The following PFKP variants were observed in gnomAD, a reference collection of about 807,000 sequenced individuals.
PFKP encodes the protein ATP-dependent 6-phosphofructokinase, platelet type.
Under a neutral mutation model 94.3 loss-of-function variants are expected in PFKP, and 101 were observed. The ratio of observed to expected loss-of-function variants is 1.07; its 90% CI spans 0.91 to 1.26. The LOEUF (loss-of-function observed/expected upper bound fraction) is 1.26. Among genes scored for constraint, PFKP ranks in the 50% most tolerant of loss-of-function variants. The pLI is 0.00. For missense variants in PFKP, 1,145 were observed against 1,103.3 expected (o/e 1.04, Z -0.53); for synonymous variants, 573 against 432.6 (o/e 1.32, Z -4.03).
At chr10:3,075,935 C>T (rs1301264729) in intron 1 of PFKP, among the ~76,000 whole-genome samples, 3 of 139,554 alleles carry the variant, frequency 2.1e-5, no homozygotes, top group African/African-American at 2.7e-5. Flanking sequence ...GTAGTGAACC[C>T]GGGAAGCGGA....
chr10:3,135,995 G>T (rs962075170), intron 21 of PFKP, among the ~76,000 whole-genome samples, 157 bp downstream of exon 21: 1 of 152,166 alleles, frequency 6.6e-6, no homozygotes, highest in African/African-American at 2.4e-5. Context: ...GCTGGGCGCG[G>T]TGGCTCATGC....
intron 17 of PFKP, among the ~76,000 whole-genome samples, chr10:3,130,302 C>G (rs2131710280): frequency 6.6e-6 from 1 of 152,344 alleles, no homozygotes; most frequent in South Asian, 2.1e-4. Context: ...ACAGTCACCA[C>G]CCACGTCTGC....
chr10:3,101,297 C>T (rs1834969240), intron 3 of PFKP, 68 bp from the exon 4 acceptor site: 2 of 1,295,328 alleles, frequency 1.5e-6, no homozygotes, highest in African/African-American at 1.5e-5. Context: ...TATAGTCGGC[C>T]TGTGTGTGCC....
At chr10:3,077,581 A>T (rs115657376) in intron 1 of PFKP, among the ~76,000 whole-genome samples, 2,656 of 116,304 alleles carry the variant, frequency 0.023, 57 homozygotes, top group African/African-American at 0.063. Context: ...CTTACTTTTT[A>T]AAAAAAAAAT....
rs190901921 is a variant in PFKP at position 3,111,613 on chromosome 10, A to T, written c.1090-609A>T. On this transcript the variant is annotated intron_variant, in intron 10 of 21. Coordinates refer to ENST00000381125, the MANE Select transcript of PFKP (RefSeq NM_002627.5). ...CTGACATGCTTGAATAACCTTAGAGATAGCTGGAAGTAGGAGTATTTTTCT... is the reference window on the plus strand; with the variant it reads ...CTGACATGCTTGAATAACCTTAGAGTTAGCTGGAAGTAGGAGTATTTTTCT... Among the ~76,000 whole-genome samples the T allele has an allele frequency of 2.0e-5, 3 of 152,124 alleles. No individual in the cohort carries two copies. The East Asian group carries it at 5.8e-4, about 30-fold the overall frequency.
chr10:3,116,493 A>C (rs550792568), intron 13 of PFKP, among the ~76,000 whole-genome samples: 2 of 152,150 alleles, frequency 1.3e-5, no homozygotes, highest in South Asian at 4.1e-4. Context: ...CGGTGGCGGG[A>C]TACGGTGAGC....
chr10:3,104,019 C>T, intron 5 of PFKP, 75 bp downstream of exon 5: 1 of 1,385,044 alleles, frequency 7.2e-7, no homozygotes, highest in South Asian at 1.3e-5. Context: ...ACCACGGGCT[C>T]TAGAACATTC....
At chr10:3,082,111 C>G (rs969504470) in intron 1 of PFKP, among the ~76,000 whole-genome samples, 1 of 149,930 alleles carries the variant, frequency 6.7e-6, no homozygotes, top group Non-Finnish European at 1.5e-5. Context: ...TTCTGTACTT[C>G]GTTTTGCAGT....
At chr10:3,112,066 C>T (rs1047042935) in intron 10 of PFKP, among the ~76,000 whole-genome samples, 156 bp from the exon 11 acceptor site, 8 of 152,178 alleles carry the variant, frequency 5.3e-5, no homozygotes, top group African/African-American at 1.9e-4. Flanking sequence ...ACACACTTGG[C>T]GGCCGGTCGT....
At chr10:3,128,007 C>T (rs1331945362) in intron 16 of PFKP, among the ~76,000 whole-genome samples, 2 of 142,976 alleles carry the variant, frequency 1.4e-5, no homozygotes, top group South Asian at 4.5e-4. Flanking sequence ...GGCTCCTAGT[C>T]TCAAGTCCAC....
At chr10:3,129,705 C>T (rs776875041) in intron 16 of PFKP, 114 bp from the exon 17 acceptor site, 29 of 1,097,696 alleles carry the variant, frequency 2.6e-5, no homozygotes, top group Middle Eastern at 6.0e-4. Flanking sequence ...ATGCTGGGAC[C>T]GCATGTTTGG....
At chr10:3,080,822 G>A (rs984486492) in intron 1 of PFKP, among the ~76,000 whole-genome samples, 1 of 152,166 alleles carries the variant, frequency 6.6e-6, no homozygotes. Context: ...GGGAGTCGGG[G>A]GTAATGTTGG....
intron 10 of PFKP, among the ~76,000 whole-genome samples, chr10:3,109,771 C>T (rs1283756786): frequency 2.0e-5 from 3 of 152,102 alleles, no homozygotes; most frequent in Non-Finnish European, 4.4e-5. Flanking sequence ...CCTCAACAGT[C>T]GAGGATCCAG....
chr10:3,121,382 C>T (rs1837385381), intron 16 of PFKP, among the ~76,000 whole-genome samples: 1 of 152,192 alleles, frequency 6.6e-6, no homozygotes, highest in Non-Finnish European at 1.5e-5. Context: ...TCATTGCTTT[C>T]ACTGCTCTTT....
chr10:3,132,417 C>G lies in PFKP; in HGVS notation c.1886C>G (p.Thr629Ser), dbSNP rs1465088551. The G allele has an allele frequency of 1.2e-6, 2 of 1,612,286 alleles. No homozygotes were observed. Among genetic ancestry groups the G allele is most frequent in the Admixed American group, 1.7e-5 (1 of 60,024 alleles). The part of the protein sequence containing the change: ...VEHLTEKMKT[T>S]IQRGLVLRNE... ...CACCTGACGGAGAAAATGAAGACCA[C>G]CATCCAGAGAGGCCTTGTGCTCAGG... Residue 629 changes from threonine (T) to serine (S), a missense_variant, in exon 18 of 22, where the codon ACC becomes AGC. Physicochemically the swap from Thr to Ser is moderately conservative, Grantham distance 58. Around this residue, in one of 3 missense-constraint regions of PFKP, gnomAD observed 1,119 missense variants for 1,062.8 expected, o/e 1.05. Transcript: ENST00000381125.
At chr10:3,083,929 C>T (rs56029827) in intron 2 of PFKP, among the ~76,000 whole-genome samples, 36,101 of 152,088 alleles carry the variant, frequency 0.24, 4,695 homozygotes, top group East Asian at 0.35. Context: ...AGGTGTGAGC[C>T]GCCGCGCCCA....
At position 3,129,993 on chromosome 10, in the gene PFKP, G is replaced by A; in HGVS notation, c.1848+10G>A. 17 of 1,561,404 alleles carry A rather than the reference G, an allele frequency of 1.1e-5. No homozygotes were observed. The highest frequency in any genetic ancestry group is 2.4e-5 in the South Asian group (2 of 82,076). On this transcript the variant is annotated intron_variant, in intron 17 of 21. Transcript: ENST00000381125. ...CATCAGGGATCTGCAGGTATGTGAC[G>A]GGGCTGGCCTCAGGGCCCGTCCCCT... is the stretch of plus-strand genomic sequence containing the variant.
At chr10:3,102,251 A>G (rs1464639515) in intron 4 of PFKP, among the ~76,000 whole-genome samples, 1 of 20,612 alleles carries the variant, frequency 4.9e-5, no homozygotes, top group Non-Finnish European at 8.4e-5. Flanking sequence ...ACTCTGTCTC[A>G]AAAAAAAAAA....
At chr10:3,121,581 G>GTTTTT (rs10528387) in intron 16 of PFKP, among the ~76,000 whole-genome samples, 1 of 133,048 alleles carries the variant, frequency 7.5e-6, no homozygotes, top group Non-Finnish European at 1.6e-5. Context: ...ATAAATAACT[G>GTTTTT]TTTTTTTTTT....
Sources: gnomAD v4.1 joint callset for allele counts (sites outside exome capture counted in the v4.1 genomes callset) on GRCh38, gnomAD v4.1.1 for gene constraint, gnomAD v4.1.1 regional missense constraint, MANE v1.5 for transcripts, NCBI Gene and HGNC (gene_info 2026-07-23, HGNC 2026-07-21) for gene names.